The following NDNF variants were observed in gnomAD, a reference collection of about 807,000 sequenced individuals.
NDNF encodes neuron derived neurotrophic factor.
Under a neutral mutation model 42.0 loss-of-function variants are expected in NDNF, and 16 were observed. That is an observed-to-expected ratio of 0.38 (90% confidence interval 0.26 to 0.58). NDNF has a LOEUF of 0.58. Ranked by LOEUF, NDNF falls within the 20% of genes least tolerant of loss-of-function variation. NDNF has a pLI of 0.67. For synonymous variants in NDNF, 248 were observed against 251.7 expected, an observed-to-expected ratio of 0.99 and a Z score of 0.14; for missense variants, 616 against 666.2, an observed-to-expected ratio of 0.92 and a Z score of 0.83.
chr4:121,046,869 G>A (rs1052457455), intron 1 of NDNF, among the ~76,000 whole-genome samples: 1 of 152,078 alleles, frequency 6.6e-6, no homozygotes, highest in African/African-American at 2.4e-5. Flanking sequence ...GACATGACAG[G>A]TCTCATGAAA....
In NDNF at chr4:121,037,052, C is replaced by T. The variant is rs758373774; in HGVS notation, c.919G>A (p.Asp307Asn). Reference sequence around the variant, plus strand: ...AATACATCAAAGTAGTACTGCGTGTCGGGTTTCAGATCAGAGACGGTGAAG... The same window carrying T: ...AATACATCAAAGTAGTACTGCGTGTTGGGTTTCAGATCAGAGACGGTGAAG... ...NIFTVSDLKPDTQYYFDVFVV... is the reference protein window; with the variant it reads ...NIFTVSDLKPNTQYYFDVFVV... The change falls in exon 4 of 4, where the codon GAC becomes AAC. Residue 307 changes from aspartate to asparagine, a missense_variant. Coordinates refer to ENST00000379692, the MANE Select transcript of NDNF (RefSeq NM_024574.4). 23 of 1,613,744 alleles carry T rather than the reference C, an allele frequency of 1.4e-5. No individual in the cohort carries two copies. Among genetic ancestry groups the T allele is most frequent in the African/African-American group, 4.0e-5 (3 of 74,864 alleles).
At chr4:121,071,217 A>G (rs1348179234) in intron 1 of NDNF, among the ~76,000 whole-genome samples, 1 of 152,068 alleles carries the variant, frequency 6.6e-6, no homozygotes, top group Non-Finnish European at 1.5e-5. Context: ...CACGAAGCCG[A>G]GTCTCCTGGC....
intron 1 of NDNF, among the ~76,000 whole-genome samples, chr4:121,063,434 C>G (rs1373453914): frequency 2.0e-5 from 3 of 152,114 alleles, no homozygotes. Context: ...TTGTCTATTA[C>G]ACATATGTGC....
intron 1 of NDNF, among the ~76,000 whole-genome samples, chr4:121,070,583 G>C (rs1295176972): frequency 6.6e-6 from 1 of 152,088 alleles, no homozygotes; most frequent in Non-Finnish European, 1.5e-5. Context: ...AGGGGTGGAG[G>C]GGGGAAAGAG....
chr4:121,053,126 GT>G (rs1177408285), intron 1 of NDNF, among the ~76,000 whole-genome samples: 1 of 152,162 alleles, frequency 6.6e-6, no homozygotes, highest in Admixed American at 6.5e-5. Flanking sequence ...GAGTTTTAGA[GT>G]TCATTATGTC....
intron 2 of NDNF, among the ~76,000 whole-genome samples, chr4:121,044,829 G>A (rs1727059640): frequency 6.6e-6 from 1 of 152,088 alleles, no homozygotes; most frequent in East Asian, 1.9e-4. Context: ...TGAGGGGAAA[G>A]GTGGCACACA....
intron 1 of NDNF, among the ~76,000 whole-genome samples, chr4:121,061,997 G>T (rs1579321312): frequency 6.6e-6 from 1 of 152,140 alleles, no homozygotes; most frequent in South Asian, 2.1e-4. Flanking sequence ...AATTAAAAAG[G>T]TTCTATTTAT....
Position 121,036,142 on chromosome 4 carries a change from T to C in NDNF, c.*122A>G. 1 of 797,190 alleles carries C rather than the reference T, an allele frequency of 1.3e-6. No homozygotes were observed. Among genetic ancestry groups the C allele is most frequent in the Non-Finnish European group, 2.0e-6 (1 of 493,058 alleles). 49.4% of individuals were successfully genotyped at this position (797,190 alleles called of 1,614,324 possible). ...CATCAATATACACACGTTGATATCCTTCCTTCCATAGTACAAGTACAGGTC... is the reference window on the plus strand; with the variant it reads ...CATCAATATACACACGTTGATATCCCTCCTTCCATAGTACAAGTACAGGTC... On this transcript the variant is annotated 3_prime_UTR_variant, in exon 4 of 4. Transcript: ENST00000379692.
At chr4:121,045,931 T>C (rs1415521395) in intron 1 of NDNF, 93 bp from the exon 2 acceptor site, 5 of 1,209,212 alleles carry the variant, frequency 4.1e-6, no homozygotes, top group African/African-American at 3.0e-5. Flanking sequence ...ATTTTAGCTT[T>C]GATGGAAATT....
At chr4:121,068,717 C>T (rs1012823344) in intron 1 of NDNF, among the ~76,000 whole-genome samples, 3 of 148,914 alleles carry the variant, frequency 2.0e-5, no homozygotes, top group African/African-American at 7.4e-5. Context: ...AAAAGTGAGA[C>T]AGAGAGAGAG....
rs763830421 is a variant in NDNF at position 121,045,740 on chromosome 4, T to C, written c.98A>G (p.Gln33Arg). Residue 33 changes from glutamine (Q) to arginine (R), a missense_variant, in exon 2 of 4, where the codon CAG becomes CGG. Gln to Arg is a conservative substitution (Grantham distance 43, BLOSUM62 1). Coordinates refer to ENST00000379692, the MANE Select transcript of NDNF (RefSeq NM_024574.4). ...ATGAAAAAATGCCTTGTCCCGGATC[T>C]GCATCTGAAAAAGTTCCTCATCCCG... The part of the protein sequence containing the change: ...PTRDEELFQM[Q>R]IRDKAFFHDS... 6.2e-7 allele frequency: 1 copy of C among 1,614,226 alleles called. No homozygotes were observed. Among genetic ancestry groups the C allele is most frequent in the South Asian group, 1.1e-5 (1 of 91,086 alleles).
At chr4:121,057,019 C>T (rs1467034246) in intron 1 of NDNF, among the ~76,000 whole-genome samples, 4 of 152,336 alleles carry the variant, frequency 2.6e-5, no homozygotes, top group Admixed American at 6.5e-5. Context: ...CACTGCCTGA[C>T]GTGCTGCGAA....
intron 1 of NDNF, among the ~76,000 whole-genome samples, chr4:121,055,389 GTT>G (rs990507996): frequency 1.3e-4 from 20 of 152,126 alleles, no homozygotes; most frequent in Non-Finnish European, 4.4e-5. Flanking sequence ...GTGCTGGTAA[GTT>G]GGAGGAAGGA....
intron 2 of NDNF, among the ~76,000 whole-genome samples, chr4:121,040,988 G>C (rs999768504): frequency 6.6e-6 from 1 of 152,100 alleles, no homozygotes; most frequent in African/African-American, 2.4e-5. Context: ...CACCATTTGA[G>C]AAATACTTTA....
At chr4:121,071,248 C>A (rs1471136589) in intron 1 of NDNF, among the ~76,000 whole-genome samples, 1 of 152,102 alleles carries the variant, frequency 6.6e-6, no homozygotes, top group African/African-American at 2.4e-5. Flanking sequence ...GGGGGCGTCA[C>A]CTCGGTGGCC....
At chr4:121,050,128 T>A (rs950709351) in intron 1 of NDNF, among the ~76,000 whole-genome samples, 11 of 152,236 alleles carry the variant, frequency 7.2e-5, no homozygotes, top group Admixed American at 7.2e-4. Flanking sequence ...TATTGACTGA[T>A]AAAAAATTGA....
At chr4:121,065,988 A>T (rs1000774326) in intron 1 of NDNF, among the ~76,000 whole-genome samples, 1 of 151,912 alleles carries the variant, frequency 6.6e-6, no homozygotes, top group Non-Finnish European at 1.5e-5. Context: ...TTTAAAAGTT[A>T]AAAAAAAGCA....
rs777074542 is a variant in NDNF, at chr4:121,040,003, C to A, written c.240G>T (p.Thr80=). The stretch of plus-strand genomic sequence containing the variant: ...TCCACTCCAAAGGCGCATCACAGGG[C>A]GTCACTGTGACTGATAATGGAGTAT... The part of the protein sequence containing the change: ...EDNTPLSVTV[T]PCDAPLEWKL... The change falls in exon 3 of 4, where the codon ACG becomes ACT. Residue 80 remains threonine (T), a synonymous_variant. Coordinates refer to ENST00000379692, the MANE Select transcript of NDNF (RefSeq NM_024574.4). 9 of 1,613,482 alleles carry A rather than the reference C, an allele frequency of 5.6e-6. No homozygotes were observed. The East Asian group carries it at 2.0e-4, about 36-fold the overall frequency.
chr4:121,039,188 GTGTGTATATATATATATATA>G lies in NDNF; in HGVS notation c.313+722_313+741del, dbSNP rs1473678516. Among the ~76,000 whole-genome samples the G allele has an allele frequency of 8.4e-4, 56 of 66,608 alleles. 3 individuals are homozygous for G. The highest frequency in any genetic ancestry group is 4.2e-3 in the African/African-American group (55 of 13,108). 43.7% of individuals were successfully genotyped at this position (66,608 alleles called of 152,430 possible). On this transcript the variant is annotated intron_variant, in intron 3 of 3. Transcript: ENST00000379692. ...ATATATATAAAGACTATGTGTGTGT[GTGTGTATATATATATATATA>G]TATATATATATATATATATATATAT...
Sources: allele counts gnomAD v4.1 joint callset (sites outside exome capture counted in the v4.1 genomes callset), GRCh38; gene constraint gnomAD v4.1.1; transcripts MANE v1.5; gene names NCBI Gene and HGNC (gene_info 2026-07-23, HGNC 2026-07-21).